Variants in CCDC91 observed in about 807,000 individuals in gnomAD.
CCDC91 encodes the protein coiled-coil domain containing 91.
CCDC91 carries 48 observed loss-of-function variants against 63.2 expected under a neutral mutation model. The observed-to-expected ratio is 0.76, with a 90% confidence interval of 0.60 to 0.97. CCDC91 has a LOEUF of 0.97. Ranked by LOEUF, CCDC91 falls within the 50% of genes least tolerant of loss-of-function variation. The pLI is 0.00. For synonymous variants in CCDC91, 167 were observed against 165.8 expected, an observed-to-expected ratio of 1.01 and a Z score of -0.06; for missense variants, 500 against 494.6, an observed-to-expected ratio of 1.01 and a Z score of -0.10.
intron 12 of CCDC91, among the ~76,000 whole-genome samples, chr12:28,487,619 A>G (rs1951794423): frequency 6.6e-6 from 1 of 151,584 alleles, no homozygotes; most frequent in Non-Finnish European, 1.5e-5. Context: ...ACACATTTCC[A>G]GAATAAAAAT....
In CCDC91 at chr12:28,196,320, A is replaced by C. The variant is rs527245503; in HGVS notation, c.-15+5679A>C. Among the ~76,000 whole-genome samples, 11 of 149,700 alleles carry C rather than the reference A, an allele frequency of 7.3e-5. No homozygotes were observed. In the East Asian group the frequency reaches 1.4e-3, roughly 18 times the overall value. The stretch of plus-strand genomic sequence containing the variant: ...ATCAGTATTTTAATATTGATCTTGA[A>C]TTTTTGAATTTTACAACCTTGTTAA... On this transcript the variant is annotated intron_variant, in intron 1 of 12. Coordinates refer to ENST00000536442, the MANE Select transcript of CCDC91 (RefSeq NM_018318.5).
chr12:28,387,824 A>G (rs1421491253), intron 7 of CCDC91, among the ~76,000 whole-genome samples: 1 of 152,102 alleles, frequency 6.6e-6, no homozygotes, highest in Non-Finnish European at 1.5e-5. Flanking sequence ...CATTTTTGCA[A>G]TTGTGAATTG....
chr12:28,241,591 G>C (rs1435546570), intron 1 of CCDC91, among the ~76,000 whole-genome samples: 2 of 151,906 alleles, frequency 1.3e-5, no homozygotes, highest in Admixed American at 1.3e-4. Flanking sequence ...GTTGTTTGTG[G>C]GGTTTACTAT....
chr12:28,229,437 G>C (rs965826238), intron 1 of CCDC91, among the ~76,000 whole-genome samples: 2 of 152,138 alleles, frequency 1.3e-5, no homozygotes, highest in African/African-American at 2.4e-5. Flanking sequence ...AGAGTGATGT[G>C]ACAGTAATTA....
chr12:28,407,453 G>GTACT (rs1157225819), intron 8 of CCDC91, among the ~76,000 whole-genome samples: 31 of 152,266 alleles, frequency 2.0e-4, no homozygotes, highest in African/African-American at 7.5e-4. Flanking sequence ...TTGAAATCAA[G>GTACT]TACTGTAAGC....
intron 12 of CCDC91, among the ~76,000 whole-genome samples, chr12:28,510,607 C>T (rs1476095390): frequency 6.6e-6 from 1 of 151,830 alleles, no homozygotes; most frequent in Admixed American, 6.6e-5. Context: ...ATGTTAATCT[C>T]ATTTATAAAC....
chr12:28,327,610 G>A (rs1306518946), intron 6 of CCDC91, among the ~76,000 whole-genome samples: 1 of 152,070 alleles, frequency 6.6e-6, no homozygotes, highest in Non-Finnish European at 1.5e-5. Context: ...GAGAAAAAGA[G>A]CTATTCCCCT....
chr12:28,510,042 G>C (rs533337699), intron 12 of CCDC91, among the ~76,000 whole-genome samples: 4 of 151,974 alleles, frequency 2.6e-5, no homozygotes, highest in African/African-American at 7.2e-5. Flanking sequence ...ATGTAGAAGG[G>C]AGTAGAGACA....
chr12:28,539,885 C>A, intron 12 of CCDC91, among the ~76,000 whole-genome samples: 1 of 151,954 alleles, frequency 6.6e-6, no homozygotes, highest in East Asian at 1.9e-4. Context: ...ACTGTAAAAT[C>A]CTGAATGATG....
chr12:28,298,399 C>CTTTTGT (rs1365891544), intron 3 of CCDC91, among the ~76,000 whole-genome samples: 16 of 147,312 alleles, frequency 1.1e-4, no homozygotes, highest in Non-Finnish European at 2.1e-4. Flanking sequence ...AGCTAGTTGG[C>CTTTTGT]CCCTATTAGT....
Position 28,363,622 on chromosome 12 carries a change from G to T in CCDC91, c.654+1107G>T, listed in dbSNP as rs574611086. 3.7e-4 allele frequency among the ~76,000 whole-genome samples: 57 copies of T among 152,264 alleles called. 1 individual carries two copies. The highest frequency in any genetic ancestry group is 3.1e-3 in the Admixed American group (47 of 15,298). On this transcript the variant is annotated intron_variant, in intron 7 of 12. Transcript: ENST00000536442. ...ATTTGGGCCGGGCATGGTGGCTCAC[G>T]CCTGTAATCCCAGCACTTCGGGAGG... is the stretch of plus-strand genomic sequence containing the variant.
At chr12:28,438,855 A>G (rs1165754641) in intron 8 of CCDC91, among the ~76,000 whole-genome samples, 2 of 152,172 alleles carry the variant, frequency 1.3e-5, no homozygotes, top group African/African-American at 4.8e-5. Context: ...GTACATAGGC[A>G]CTCATAGGGA....
chr12:28,314,961 A>G (rs1939692356), intron 6 of CCDC91, among the ~76,000 whole-genome samples: 1 of 151,964 alleles, frequency 6.6e-6, no homozygotes, highest in Non-Finnish European at 1.5e-5. Flanking sequence ...TATTCAATCC[A>G]TAGGTTAAAT....
At chr12:28,354,612 T>G (rs1358441784) in intron 6 of CCDC91, among the ~76,000 whole-genome samples, 4 of 152,260 alleles carry the variant, frequency 2.6e-5, no homozygotes, top group African/African-American at 9.6e-5. Flanking sequence ...CACAGATAAA[T>G]GACAAGAGCA....
chr12:28,244,653 G>A (rs547543906), intron 1 of CCDC91, among the ~76,000 whole-genome samples: 1 of 151,718 alleles, frequency 6.6e-6, no homozygotes, highest in Non-Finnish European at 1.5e-5. Context: ...ATATGATGCT[G>A]GCTGTTGGCT....
rs1308161101 is a variant in CCDC91 at position 28,549,124 on chromosome 12, A to G, written c.1277A>G (p.Gln426Arg). Residue 426 changes from glutamine (Q) to arginine (R), a missense_variant, in exon 13 of 13, where the codon CAG becomes CGG. Physicochemically the swap from Gln to Arg is conservative, Grantham distance 43 (BLOSUM62 1). Transcript: ENST00000536442. ...TTGGAACTGTTCCTCTCCTGTGCAC[A>G]GAAACAGTTAAGTGCTTTAATAGCT... is the stretch of plus-strand genomic sequence containing the variant. Reference protein sequence around the residue: ...SSLELFLSCAQKQLSALIATE... With the variant: ...SSLELFLSCARKQLSALIATE... The G allele has an allele frequency of 6.2e-7, 1 of 1,612,892 alleles. No homozygotes were observed. The highest frequency in any genetic ancestry group is 1.7e-5 in the Admixed American group (1 of 59,962).
At chr12:28,318,858 C>T (rs1040614423) in intron 6 of CCDC91, among the ~76,000 whole-genome samples, 13 of 151,882 alleles carry the variant, frequency 8.6e-5, no homozygotes, top group Admixed American at 6.6e-4. Context: ...GTTTTTCTTC[C>T]GCCTTGCTAC....
intron 3 of CCDC91, chr12:28,304,714 C>G: frequency 4.2e-6 from 5 of 1,192,836 alleles, no homozygotes; most frequent in Non-Finnish European, 5.5e-6. Flanking sequence ...GAATAAAGGT[C>G]TTTATAGTTT....
chr12:28,544,823 T>C (rs1369630721), intron 12 of CCDC91, among the ~76,000 whole-genome samples: 2 of 152,056 alleles, frequency 1.3e-5, no homozygotes, highest in Admixed American at 1.3e-4. Flanking sequence ...TCAAGAGATG[T>C]TTTATTTTTC....
Sources: gnomAD v4.1 joint callset for allele counts (sites outside exome capture counted in the v4.1 genomes callset) on GRCh38, gnomAD v4.1.1 for gene constraint, MANE v1.5 for transcripts, NCBI Gene and HGNC (gene_info 2026-07-23, HGNC 2026-07-21) for gene names.